OPA1: variants seen among roughly 807,000 people sequenced by gnomAD.
OPA1 encodes dynamin-like GTPase OPA1, mitochondrial.
A neutral mutation model predicts 152.9 loss-of-function variants in OPA1; 59 were observed. The ratio of observed to expected loss-of-function variants is 0.39; its 90% confidence interval spans 0.31 to 0.48. OPA1 has a LOEUF of 0.48. Ranked by LOEUF, OPA1 falls within the 20% of genes least tolerant of loss-of-function variation. The pLI, the probability that OPA1 is intolerant of heterozygous loss-of-function variation, is 0.96. For missense variants in OPA1, 1,008 were observed against 1,216.8 expected, an observed-to-expected ratio of 0.83 and a Z score of 2.55; for synonymous variants, 400 against 389.9, an observed-to-expected ratio of 1.03 and a Z score of -0.31.
rs112385163 is a variant in OPA1, at chr3:193,643,168, TA to T, written c.1305+128del. 21,375 of 933,254 alleles carry T rather than the reference TA, an allele frequency of 0.023. 306 individuals are homozygous for T. Among genetic ancestry groups the T allele is most frequent in the Non-Finnish European group, 0.029 (17,114 of 593,992 alleles). 57.8% of individuals were successfully genotyped at this position (933,254 alleles called of 1,614,324 possible). A position where few individuals can be genotyped will look rare whatever the true frequency, so the allele number is the denominator to read the frequency against. On this transcript the variant is annotated intron_variant, in intron 13 of 30. Transcript: ENST00000361510. ...CTGCTATCTAGATATGTAGAGCTTTTAAAAAAAAATCCAAATAATATATCAT... is the reference window on the plus strand; with the variant it reads ...CTGCTATCTAGATATGTAGAGCTTTTAAAAAAAATCCAAATAATATATCAT...
At chr3:193,636,672 A>G (rs1732998121) in intron 9 of OPA1, among the ~76,000 whole-genome samples, 1 of 152,116 alleles carries the variant, frequency 6.6e-6, no homozygotes, top group South Asian at 2.1e-4. Flanking sequence ...TGCTACACTC[A>G]TATTTCAGCC....
intron 28 of OPA1, 143 bp downstream of exon 28, chr3:193,666,532 A>C: frequency 1.4e-6 from 1 of 738,366 alleles, no homozygotes; most frequent in Admixed American, 2.2e-5. Context: ...TCATGCCTGT[A>C]ATCTCAGCAT....
intron 16 of OPA1, 49 bp downstream of exon 16, chr3:193,644,154 A>C: frequency 6.2e-7 from 1 of 1,601,058 alleles, no homozygotes; most frequent in Non-Finnish European, 8.6e-7. Flanking sequence ...TAAAAGCTCC[A>C]GCTGTGATAG....
At chr3:193,630,354 T>C (rs1217573884) in intron 7 of OPA1, among the ~76,000 whole-genome samples, 1 of 152,158 alleles carries the variant, frequency 6.6e-6, no homozygotes, top group Admixed American at 6.5e-5. Context: ...GCATACGCTT[T>C]TAAGGAAAAA....
At chr3:193,595,019 GTATT>G (rs1725286406) in intron 1 of OPA1, among the ~76,000 whole-genome samples, 1 of 152,174 alleles carries the variant, frequency 6.6e-6, no homozygotes, top group African/African-American at 2.4e-5. Context: ...TTTATAAGTG[GTATT>G]TATTTAATTG....
At chr3:193,598,917 G>A (rs569617877) in intron 1 of OPA1, among the ~76,000 whole-genome samples, 21 of 152,292 alleles carry the variant, frequency 1.4e-4, no homozygotes, top group African/African-American at 5.1e-4. Flanking sequence ...TGAGCTAAAC[G>A]TTGTGGAACC....
At chr3:193,639,491 C>G (rs982865752) in intron 11 of OPA1, among the ~76,000 whole-genome samples, 2 of 152,144 alleles carry the variant, frequency 1.3e-5, no homozygotes, top group African/African-American at 2.4e-5. Flanking sequence ...ATAGCTGATG[C>G]AAAGCCTCTG....
At chr3:193,616,642 A>G (rs1283169854) in intron 3 of OPA1, among the ~76,000 whole-genome samples, 1 of 152,188 alleles carries the variant, frequency 6.6e-6, no homozygotes, top group Non-Finnish European at 1.5e-5. Flanking sequence ...TTAGTTGGCC[A>G]CTGCCCTCCC....
rs376673283 is a variant in OPA1, at chr3:193,644,110, G to C, written c.1608+5G>C. ...AATGTAGCCAGTCCAAGCAGGGTGA[G>C]GTCAAATTCTTTGTTGCGAGAATAG... On this transcript the variant is annotated splice_donor_5th_base_variant and intron_variant, in intron 16 of 30. Transcript: ENST00000361510. The C allele has an allele frequency of 6.2e-7, 1 of 1,613,116 alleles. No individual in the cohort carries two copies. The highest frequency in any genetic ancestry group is 8.5e-7 in the Non-Finnish European group (1 of 1,179,534).
At chr3:193,680,757 A>G (rs1267977557) in intron 29 of OPA1, among the ~76,000 whole-genome samples, 1 of 152,224 alleles carries the variant, frequency 6.6e-6, no homozygotes, top group African/African-American at 2.4e-5. Flanking sequence ...AATCTTCCCA[A>G]TTAATTGCCT....
At chr3:193,626,749 A>G (rs1279598957) in intron 7 of OPA1, among the ~76,000 whole-genome samples, 1 of 152,218 alleles carries the variant, frequency 6.6e-6, no homozygotes, top group Non-Finnish European at 1.5e-5. Flanking sequence ...TTTTCACATT[A>G]ATCAAAGTCA....
intron 29 of OPA1, among the ~76,000 whole-genome samples, chr3:193,667,625 C>G (rs965562832): frequency 7.4e-5 from 11 of 147,710 alleles, no homozygotes; most frequent in African/African-American, 2.8e-4. Context: ...GAGCCAAGAT[C>G]CTGCCACTGC....
intron 29 of OPA1, among the ~76,000 whole-genome samples, chr3:193,687,590 A>G (rs1721088938): frequency 6.6e-6 from 1 of 152,238 alleles, no homozygotes; most frequent in South Asian, 2.1e-4. Flanking sequence ...AATAGTTACA[A>G]TAATATTTTT....
At chr3:193,686,627 AC>A (rs1720973325) in intron 29 of OPA1, among the ~76,000 whole-genome samples, 14 of 152,042 alleles carry the variant, frequency 9.2e-5, no homozygotes. Context: ...TGTTTCCCCC[AC>A]ACCCTAGATT....
chr3:193,595,050 A>G (rs553409721), intron 1 of OPA1, among the ~76,000 whole-genome samples: 1 of 152,352 alleles, frequency 6.6e-6, no homozygotes, highest in African/African-American at 2.4e-5. Context: ...ATTGGGCTAA[A>G]TTATTTCTAA....
intron 6 of OPA1, among the ~76,000 whole-genome samples, chr3:193,622,889 TC>T (rs1349903806): frequency 1.3e-5 from 2 of 152,146 alleles, no homozygotes; most frequent in African/African-American, 4.8e-5. Context: ...AAAATTTTGG[TC>T]CCCTCAATTT....
chr3:193,643,925 TC>T (rs758186493), intron 15 of OPA1, 49 bp from the exon 16 acceptor site: 2 of 1,594,780 alleles, frequency 1.3e-6, no homozygotes, highest in South Asian at 2.2e-5. Context: ...GTTTTAAAAG[TC>T]TACTTTACAT....
chr3:193,626,618 T>C lies in OPA1; in HGVS notation c.789+416T>C, dbSNP rs762802085. Among the ~76,000 whole-genome samples, 6 of 152,234 alleles carry C rather than the reference T, an allele frequency of 3.9e-5. No homozygotes were observed. The South Asian group carries it at 6.2e-4, about 16-fold the overall frequency. On this transcript the variant is annotated intron_variant, in intron 7 of 30. Coordinates refer to ENST00000361510, the MANE Select transcript of OPA1 (RefSeq NM_130837.3). ...TTTACACTAAAGAATAACATTTATT[T>C]ATTTGTTTTAGCTAAAGTATATGGA...
At chr3:193,657,466 G>C (rs1425163082) in intron 23 of OPA1, among the ~76,000 whole-genome samples, 1 of 152,116 alleles carries the variant, frequency 6.6e-6, no homozygotes, top group African/African-American at 2.4e-5. Context: ...AAACTTTGCA[G>C]TAAACAGACT....
Sources: allele counts gnomAD v4.1 joint callset (sites outside exome capture counted in the v4.1 genomes callset), GRCh38; gene constraint gnomAD v4.1.1; transcripts MANE v1.5; gene names NCBI Gene and HGNC (gene_info 2026-07-23, HGNC 2026-07-21).